FGL1: variants seen among roughly 807,000 people sequenced by gnomAD.
FGL1 encodes the protein fibrinogen-like protein 1.
A neutral mutation model predicts 43.7 loss-of-function variants in FGL1; 59 were observed. The ratio of observed to expected loss-of-function variants is 1.35; its 90% confidence interval spans 1.10 to 1.68. FGL1 has a LOEUF of 1.68. Among genes scored for constraint, FGL1 ranks in the 40% most tolerant of loss-of-function variants. The pLI, the probability that FGL1 is intolerant of heterozygous loss-of-function variation, is 0.00. For synonymous variants in FGL1, 192 were observed against 126.5 expected, an observed-to-expected ratio of 1.52 and a Z score of -3.48; for missense variants, 596 against 373.0, an observed-to-expected ratio of 1.60 and a Z score of -4.92.
intron 2 of FGL1, among the ~76,000 whole-genome samples, chr8:17,883,299 A>G (rs1346147107): frequency 9.8e-6 from 1 of 101,612 alleles, no homozygotes; most frequent in Non-Finnish European, 1.7e-5. Context: ...TATCATATAT[A>G]ATATATTAAA....
chr8:17,868,229 G>C (rs1297051227), intron 7 of FGL1: 1 of 175,476 alleles, frequency 5.7e-6, no homozygotes, highest in Non-Finnish European at 1.2e-5. Flanking sequence ...ATGCCAAATA[G>C]TCTCCATATA....
chr8:17,885,606 A>G lies in FGL1; in HGVS notation c.-17-35T>C, dbSNP rs1271450204. 3 of 1,585,568 alleles carry G rather than the reference A, an allele frequency of 1.9e-6. No individual in the cohort carries two copies. In the African/African-American group the frequency reaches 4.1e-5, roughly 22 times the overall value. On this transcript the variant is annotated intron_variant, in intron 1 of 7. Coordinates refer to ENST00000427924, the MANE Select transcript of FGL1 (RefSeq NM_004467.4). ...CAAAAAGAATTTTATAAATGTATCA[A>G]CCTTGAATTTTTCATGAGACCAGAG...
chr8:17,893,293 A>G (rs1390395726), intron 1 of FGL1, among the ~76,000 whole-genome samples: 1 of 152,140 alleles, frequency 6.6e-6, no homozygotes, highest in Non-Finnish European at 1.5e-5. Flanking sequence ...GCTCTTGCAT[A>G]AATGGAAGTA....
rs2053406350 is a variant in FGL1, at chr8:17,874,092, G to A, written c.429C>T (p.Gly143=). 3.1e-6 allele frequency: 5 copies of A among 1,611,034 alleles called. No homozygotes were observed. Among genetic ancestry groups the A allele is most frequent in the Non-Finnish European group, 4.2e-6 (5 of 1,179,240 alleles). The part of the protein sequence containing the change: ...FNRGWKDYEN[G]FGNFVQKHGE... ...CATGTTTTTGGACAAAATTTCCAAA[G>A]CCATTTTCATAGTCTTTCCATCCTC... The change falls in exon 5 of 8, where the codon GGC becomes GGT. Residue 143 remains glycine, a synonymous_variant. Transcript: ENST00000427924.
At chr8:17,886,638 C>A (rs922633529) in intron 1 of FGL1, among the ~76,000 whole-genome samples, 7 of 152,032 alleles carry the variant, frequency 4.6e-5, no homozygotes, top group Non-Finnish European at 1.0e-4. Flanking sequence ...GGCGCCTGTA[C>A]TCCCAGCCAC....
At chr8:17,872,152 G>T (rs1221285092) in intron 5 of FGL1, among the ~76,000 whole-genome samples, 1 of 151,966 alleles carries the variant, frequency 6.6e-6, no homozygotes, top group South Asian at 2.1e-4. Context: ...AAAGTATAAG[G>T]TTTCTAGGAT....
chr8:17,871,507 A>C (rs181245596), intron 5 of FGL1, among the ~76,000 whole-genome samples: 454 of 152,084 alleles, frequency 3.0e-3, no homozygotes, highest in Admixed American at 4.7e-3. Flanking sequence ...AAAAAACAAA[A>C]AAAAAAAACT....
At position 17,869,428 on chromosome 8, in the gene FGL1, T is replaced by C. The variant is rs537353525; in HGVS notation, c.503-424A>G. On this transcript the variant is annotated intron_variant, in intron 5 of 7. Transcript: ENST00000427924. The stretch of plus-strand genomic sequence containing the variant: ...TGGCTATTAATGACATTGTGTAATC[T>C]CTAGTAGCTGAGCCACTAGGTTTGT... Among the ~76,000 whole-genome samples the C allele has an allele frequency of 1.1e-3, 160 of 152,338 alleles. 1 individual carries two copies. The highest frequency in any genetic ancestry group is 3.5e-3 in the African/African-American group (146 of 41,574).
intron 5 of FGL1, among the ~76,000 whole-genome samples, chr8:17,869,559 G>T (rs555161348): frequency 5.4e-4 from 82 of 152,268 alleles, no homozygotes; most frequent in African/African-American, 1.8e-3. Context: ...GAAGAAATAT[G>T]AATCCTAATT....
intron 7 of FGL1, among the ~76,000 whole-genome samples, chr8:17,867,858 C>G (rs2053293581): frequency 6.6e-6 from 1 of 152,148 alleles, no homozygotes; most frequent in Non-Finnish European, 1.5e-5. Context: ...TCACATGAGG[C>G]CAGGAGTTCG....
At chr8:17,889,329 C>T (rs2106036) in intron 1 of FGL1, among the ~76,000 whole-genome samples, 14,071 of 152,158 alleles carry the variant, frequency 0.092, 1,330 homozygotes, top group African/African-American at 0.24. Context: ...GTGGGAGGAT[C>T]GCCAGAGGCC....
chr8:17,889,523 CTG>C (rs141854314), intron 1 of FGL1, among the ~76,000 whole-genome samples: 3,305 of 152,282 alleles, frequency 0.022, 62 homozygotes, highest in South Asian at 0.042. Flanking sequence ...GTAGTTAAGC[CTG>C]GGTGACAGAG....
chr8:17,885,620 A>G (rs776540301), intron 1 of FGL1, 49 bp from the exon 2 acceptor site: 1 of 1,528,564 alleles, frequency 6.5e-7, no homozygotes, highest in African/African-American at 1.4e-5. Context: ...TGAATTTTTC[A>G]TGAGACCAGA....
intron 3 of FGL1, among the ~76,000 whole-genome samples, chr8:17,875,536 T>TTTCTTTCTTTCTTTCTTTC (rs200381064): frequency 7.8e-5 from 1 of 12,830 alleles, no homozygotes; most frequent in Non-Finnish European, 2.2e-4. Context: ...TCTTTCTTTC[T>TTTCTTTCTTTCTTTCTTTC]CTTTCTTTCT....
chr8:17,866,748 A>G (rs2053275685), intron 7 of FGL1, among the ~76,000 whole-genome samples: 1 of 152,246 alleles, frequency 6.6e-6, no homozygotes, highest in Non-Finnish European at 1.5e-5. Context: ...GATAAAGTAC[A>G]TGGTTTTGAT....
rs866737787 is a variant in FGL1 at position 17,868,660 on chromosome 8, C to T, written c.667G>A (p.Val223Met). Residue 223 changes from valine (V) to methionine (M), a missense_variant, in exon 7 of 8, where the codon GTG becomes ATG. Physicochemically the swap from Val to Met is conservative, Grantham distance 21 (BLOSUM62 1). Transcript: ENST00000427924. ...CTTTGGTGACTAGCCCACCACTGCA[C>T]CTCAGGATGAAAATTCCCCGCAAGG... ...DSLAGNFHPE[V>M]QWWASHQRMK... 3 of 1,614,108 alleles carry T rather than the reference C, an allele frequency of 1.9e-6. No individual in the cohort carries two copies. The highest frequency in any genetic ancestry group is 1.3e-5 in the African/African-American group (1 of 75,038).
chr8:17,873,392 C>T (rs566042342), intron 5 of FGL1, among the ~76,000 whole-genome samples: 122 of 152,202 alleles, frequency 8.0e-4, no homozygotes, highest in Non-Finnish European at 1.3e-3. Context: ...AGAGCAGCAA[C>T]TTCAGTGAGG....
intron 5 of FGL1, among the ~76,000 whole-genome samples, chr8:17,873,431 C>T (rs1164282928): frequency 6.6e-6 from 1 of 152,050 alleles, no homozygotes; most frequent in African/African-American, 2.4e-5. Context: ...TAAGCAAGCC[C>T]AGCCATGATC....
Position 17,868,679 on chromosome 8 carries a change from C to A in FGL1, c.648G>T (p.Ala216=). 6.2e-7 allele frequency: 1 copy of A among 1,613,778 alleles called. No homozygotes were observed. The highest frequency in any genetic ancestry group is 1.7e-4 in the Middle Eastern group (1 of 6,058). Residue 216 remains alanine, a synonymous_variant, in exon 7 of 8, where the codon GCG becomes GCT. Coordinates refer to ENST00000427924, the MANE Select transcript of FGL1 (RefSeq NM_004467.4). ...EYSGTAGDSL[A]GNFHPEVQWW... ...ACTGCACCTCAGGATGAAAATTCCC[C>A]GCAAGGGAATCTCCAGCTGTTCCAG...
Sources: gnomAD v4.1 joint callset for allele counts (sites outside exome capture counted in the v4.1 genomes callset) on GRCh38, gnomAD v4.1.1 for gene constraint, MANE v1.5 for transcripts, NCBI Gene and HGNC (gene_info 2026-07-23, HGNC 2026-07-21) for gene names.